PCDH15: variants seen among roughly 807,000 people sequenced by gnomAD.
PCDH15 encodes protocadherin-15.
In PCDH15, 129 loss-of-function variants were observed where a neutral mutation model predicts 178.5. The ratio of observed to expected loss-of-function variants is 0.72; its 90% CI spans 0.63 to 0.84. PCDH15 has a LOEUF of 0.84. Ranked by LOEUF, PCDH15 falls within the 40% of genes least tolerant of loss-of-function variation. The pLI is 0.00. For synonymous variants in PCDH15, 800 were observed against 732.0 expected, an observed-to-expected ratio of 1.09 and a Z score of -1.50; for missense variants, 2,230 against 2,099.9, an observed-to-expected ratio of 1.06 and a Z score of -1.21.
chr10:53,945,964 T>A (rs1373857148), intron 23 of PCDH15, among the ~76,000 whole-genome samples: 1 of 150,924 alleles, frequency 6.6e-6, no homozygotes, highest in African/African-American at 2.4e-5. Context: ...GCAATAATCA[T>A]GGGAGTGCAG....
chr10:54,681,899 G>T (rs1256342435), intron 1 of PCDH15, among the ~76,000 whole-genome samples: 1 of 152,160 alleles, frequency 6.6e-6, no homozygotes, highest in African/African-American at 2.4e-5. Context: ...CCTTTCTTAG[G>T]TTGGTAGAGG....
intron 8 of PCDH15, among the ~76,000 whole-genome samples, chr10:54,284,579 C>T (rs10509009): frequency 0.11 from 17,140 of 152,070 alleles, 1,043 homozygotes; most frequent in Middle Eastern, 0.19. Flanking sequence ...TAGAACGTAA[C>T]ATAAAGGTTG....
chr10:55,159,829 C>A, intron 2 of PCDH15, among the ~76,000 whole-genome samples: 1 of 148,756 alleles, frequency 6.7e-6, no homozygotes, highest in African/African-American at 2.4e-5. Context: ...TATATTACAT[C>A]TTTGTTTATC....
At chr10:55,118,209 GA>G (rs756176475) in intron 2 of PCDH15, among the ~76,000 whole-genome samples, 1 of 152,156 alleles carries the variant, frequency 6.6e-6, no homozygotes, top group South Asian at 2.1e-4. Context: ...ACCAGACTGA[GA>G]AAGGCCATAG....
chr10:54,682,936 T>C (rs1340550138), intron 1 of PCDH15, among the ~76,000 whole-genome samples: 1 of 152,128 alleles, frequency 6.6e-6, no homozygotes, highest in Non-Finnish European at 1.5e-5. Context: ...GGGCTCTGAA[T>C]TGCTTAATAT....
intron 1 of PCDH15, among the ~76,000 whole-genome samples, chr10:55,206,936 T>C (rs1840418989): frequency 6.6e-6 from 1 of 152,074 alleles, no homozygotes; most frequent in African/African-American, 2.4e-5. Context: ...TTATACTAAT[T>C]TGTGGACTTT....
intron 2 of PCDH15, among the ~76,000 whole-genome samples, chr10:55,580,047 G>A (rs530238628): frequency 6.6e-6 from 1 of 152,152 alleles, no homozygotes; most frequent in Non-Finnish European, 1.5e-5. Context: ...AGTAGAGACA[G>A]GGTTTCAGCA....
intron 3 of PCDH15, among the ~76,000 whole-genome samples, chr10:54,871,729 T>C (rs1209256979): frequency 6.6e-6 from 1 of 152,076 alleles, no homozygotes. Flanking sequence ...TCATAAATTA[T>C]TTTTGTTCAT....
intron 13 of PCDH15, among the ~76,000 whole-genome samples, chr10:54,182,410 C>G (rs2048071742): frequency 6.6e-6 from 1 of 152,046 alleles, no homozygotes; most frequent in Admixed American, 6.5e-5. Context: ...AGTTGCTAAC[C>G]TCCTGAGTTT....
intron 8 of PCDH15, among the ~76,000 whole-genome samples, chr10:54,257,983 T>C (rs1179951251): frequency 3.3e-5 from 5 of 152,276 alleles, no homozygotes; most frequent in Admixed American, 2.6e-4. Context: ...CTGCATGATG[T>C]CCAGTCAGTA....
chr10:54,491,657 T>C (rs1269267498), intron 3 of PCDH15, among the ~76,000 whole-genome samples: 1 of 152,194 alleles, frequency 6.6e-6, no homozygotes, highest in Admixed American at 6.5e-5. Flanking sequence ...TATTTTTCAT[T>C]TTTAAGAGCA....
At chr10:53,971,661 T>C (rs10740564) in intron 21 of PCDH15, among the ~76,000 whole-genome samples, 109,330 of 151,914 alleles carry the variant, frequency 0.72, 39,629 homozygotes, top group East Asian at 0.87. Flanking sequence ...AACAGAGAGC[T>C]AAATCATGAG....
At chr10:54,879,094 G>C (rs535479341) in intron 3 of PCDH15, among the ~76,000 whole-genome samples, 2 of 152,230 alleles carry the variant, frequency 1.3e-5, no homozygotes, top group Admixed American at 6.6e-5. Context: ...AAGTGGGTTT[G>C]TGATTGAAAA....
chr10:55,366,743 A>G (rs1311194237), intron 2 of PCDH15, among the ~76,000 whole-genome samples: 1 of 152,172 alleles, frequency 6.6e-6, no homozygotes, highest in Non-Finnish European at 1.5e-5. Flanking sequence ...CTTTTTACCT[A>G]TGTAGCTCAG....
rs551498145 is a variant in PCDH15 at position 54,762,565 on chromosome 10, A to G, written c.-29+38360T>C. On this transcript the variant is annotated intron_variant, in intron 1 of 37. Coordinates refer to ENST00000644397, the MANE Select transcript of PCDH15 (RefSeq NM_001384140.1). ...ACACCATACTATTGAGATTTTAGCT[A>G]TAACTTTATGTTTGTCTTGTTTGAA... Among the ~76,000 whole-genome samples, 5 of 152,258 alleles carry G rather than the reference A, an allele frequency of 3.3e-5. No homozygotes were observed. In the East Asian group the frequency reaches 9.6e-4, roughly 29 times the overall value.
At chr10:54,279,453 A>C (rs2058545132) in intron 8 of PCDH15, among the ~76,000 whole-genome samples, 1 of 151,634 alleles carries the variant, frequency 6.6e-6, no homozygotes, top group Non-Finnish European at 1.5e-5. Context: ...TCACAACTTC[A>C]AAAAAATGTT....
chr10:55,007,152 C>A (rs1839949490), intron 2 of PCDH15, among the ~76,000 whole-genome samples: 1 of 152,144 alleles, frequency 6.6e-6, no homozygotes, highest in African/African-American at 2.4e-5. Flanking sequence ...CACTATGCTT[C>A]CTGTGCAGCC....
At chr10:54,478,757 G>A (rs774037496) in intron 3 of PCDH15, among the ~76,000 whole-genome samples, 25 of 151,618 alleles carry the variant, frequency 1.6e-4, no homozygotes, top group Non-Finnish European at 2.4e-4. Context: ...TTCCTTTTTC[G>A]CGTATGTCTT....
intron 2 of PCDH15, among the ~76,000 whole-genome samples, chr10:54,655,259 AG>A (rs1175024927): frequency 0.038 from 2,279 of 59,298 alleles, 73 homozygotes; most frequent in African/African-American, 0.13. Context: ...AGAAAGAAAG[AG>A]AGAGAGAGAG....
Sources: gnomAD v4.1 joint callset for allele counts (sites outside exome capture counted in the v4.1 genomes callset) on GRCh38, gnomAD v4.1.1 for gene constraint, MANE v1.5 for transcripts, NCBI Gene and HGNC (gene_info 2026-07-23, HGNC 2026-07-21) for gene names.